Variants in MCTP1 observed in about 807,000 individuals in gnomAD.
MCTP1 encodes multiple C2 and transmembrane domain containing 1, also known as multiple C2 and transmembrane domain-containing protein 1.
Under a neutral mutation model 120.6 loss-of-function variants are expected in MCTP1, and 69 were observed. The observed-to-expected ratio is 0.57, with a 90% CI of 0.47 to 0.70. The LOEUF (loss-of-function observed/expected upper bound fraction) is 0.70, where lower values mean the gene tolerates loss of function less well. Ranked by LOEUF, MCTP1 falls within the 30% of genes least tolerant of loss-of-function variation. MCTP1 has a pLI of 0.00. For missense variants in MCTP1, 1,203 were observed against 1,248.8 expected (o/e 0.96, Z 0.55); for synonymous variants, 529 against 493.1 (o/e 1.07, Z -0.96).
intron 18 of MCTP1, among the ~76,000 whole-genome samples, chr5:94,791,038 C>T (rs1481897883): frequency 6.8e-6 from 1 of 146,026 alleles, no homozygotes; most frequent in Non-Finnish European, 1.5e-5. Context: ...TTTGGGAGGC[C>T]GAGGCAGGCA....
chr5:95,118,366 C>T (rs1757974047), intron 1 of MCTP1, among the ~76,000 whole-genome samples: 1 of 150,916 alleles, frequency 6.6e-6, no homozygotes, highest in South Asian at 2.1e-4. Context: ...ATGGTAACCT[C>T]AAATCAAAAA....
chr5:95,228,654 T>C (rs1419963987), intron 1 of MCTP1, among the ~76,000 whole-genome samples: 1 of 152,216 alleles, frequency 6.6e-6, no homozygotes, highest in Non-Finnish European at 1.5e-5. Context: ...ATCCCCAATG[T>C]TGGAGGTAGG....
chr5:94,859,624 C>G (rs1273061366), intron 17 of MCTP1, among the ~76,000 whole-genome samples: 2 of 151,572 alleles, frequency 1.3e-5, no homozygotes, highest in Non-Finnish European at 3.0e-5. Flanking sequence ...AGAATTTAAA[C>G]AAAACCAGAT....
intron 2 of MCTP1, among the ~76,000 whole-genome samples, chr5:94,965,965 G>A (rs1375520217): frequency 6.6e-6 from 1 of 152,076 alleles, no homozygotes; most frequent in Non-Finnish European, 1.5e-5. Context: ...GCCGGTGCTT[G>A]GACTTCCAGC....
chr5:95,138,062 T>G (rs1303763787), intron 1 of MCTP1, among the ~76,000 whole-genome samples: 5 of 152,216 alleles, frequency 3.3e-5, no homozygotes. Context: ...CAAATTTTTT[T>G]TTCAATAGGA....
At chr5:94,885,016 C>T (rs1159950680) in intron 12 of MCTP1, among the ~76,000 whole-genome samples, 1 of 152,130 alleles carries the variant, frequency 6.6e-6, no homozygotes, top group Non-Finnish European at 1.5e-5. Context: ...AAAAGATACA[C>T]TTATTTAATG....
intron 1 of MCTP1, among the ~76,000 whole-genome samples, chr5:95,124,571 T>C (rs1186240223): frequency 2.0e-5 from 3 of 152,236 alleles, no homozygotes; most frequent in African/African-American, 7.2e-5. Context: ...TGTTATCTCA[T>C]TAAAATGACC....
chr5:95,086,729 C>T (rs2347480), intron 1 of MCTP1, among the ~76,000 whole-genome samples: 77,055 of 151,938 alleles, frequency 0.51, 21,142 homozygotes, highest in Admixed American at 0.63. Context: ...AAGACAAGTT[C>T]ATTTTTTACA....
At chr5:94,973,772 G>T (rs464308) in intron 2 of MCTP1, among the ~76,000 whole-genome samples, 6,875 of 152,052 alleles carry the variant, frequency 0.045, 195 homozygotes, top group East Asian at 0.088. Context: ...TATTTCTGAG[G>T]GGGATGAAAA....
chr5:94,898,800 T>C (rs953400223), intron 10 of MCTP1, among the ~76,000 whole-genome samples: 1 of 152,238 alleles, frequency 6.6e-6, no homozygotes, highest in Non-Finnish European at 1.5e-5. Flanking sequence ...CCCTTGGTTC[T>C]AGACCTCAGT....
intron 18 of MCTP1, among the ~76,000 whole-genome samples, chr5:94,794,834 T>C (rs1779678539): frequency 6.6e-6 from 1 of 152,204 alleles, no homozygotes; most frequent in Admixed American, 6.5e-5. Context: ...GGAAAATTAA[T>C]ACTTTCTATT....
Position 94,773,942 on chromosome 5 carries a change from C to T in MCTP1, c.2610+5168G>A, listed in dbSNP as rs1190041924. Among the ~76,000 whole-genome samples the T allele has an allele frequency of 1.3e-4, 5 of 39,266 alleles. 2 individuals carry two copies. Among genetic ancestry groups the T allele is most frequent in the African/African-American group, 6.9e-4 (5 of 7,296 alleles). 25.8% of individuals were successfully genotyped at this position (39,266 alleles called of 152,430 possible). A position where few individuals can be genotyped will look rare whatever the true frequency, so the allele number is the denominator to read the frequency against. Reference sequence around the variant, plus strand: ...AGATGAAATAGGCCGGGCGCGGTGGCTCACGCCTGTAATCCCAGCACTTTG... The same window carrying T: ...AGATGAAATAGGCCGGGCGCGGTGGTTCACGCCTGTAATCCCAGCACTTTG... On this transcript the variant is annotated intron_variant, in intron 19 of 22. Transcript: ENST00000515393.
chr5:94,814,174 C>T (rs1364839866), intron 17 of MCTP1, among the ~76,000 whole-genome samples: 1 of 152,062 alleles, frequency 6.6e-6, no homozygotes, highest in Non-Finnish European at 1.5e-5. Context: ...TTCAGTAAAA[C>T]AAAATTTCAC....
At chr5:95,160,596 T>A (rs1414037860) in intron 1 of MCTP1, among the ~76,000 whole-genome samples, 1 of 152,032 alleles carries the variant, frequency 6.6e-6, no homozygotes, top group East Asian at 1.9e-4. Flanking sequence ...AAAGCAAAAA[T>A]AAACAAATGG....
rs146434254 is a variant in MCTP1, at chr5:94,752,108, AATATATATATATATATATATATAT to A, written c.2610+26978_2610+27001del. ...ATGTACCCTAAAACTTAAATAATAA[AATATATATATATATATATATATAT>A]ATATATATATATATTCAAAATAGCT... On this transcript the variant is annotated intron_variant, in intron 19 of 22. Transcript: ENST00000515393. 7.1e-3 allele frequency among the ~76,000 whole-genome samples: 540 copies of A among 75,800 alleles called. 18 individuals are homozygous for A. Among genetic ancestry groups the A allele is most frequent in the African/African-American group, 0.018 (476 of 26,298 alleles). 49.7% of individuals were successfully genotyped at this position (75,800 alleles called of 152,430 possible). A position where few individuals can be genotyped will look rare whatever the true frequency, so the allele number is the denominator to read the frequency against.
At chr5:95,259,961 G>A (rs538220932) in intron 1 of MCTP1, among the ~76,000 whole-genome samples, 1 of 152,276 alleles carries the variant, frequency 6.6e-6, no homozygotes, top group South Asian at 2.1e-4. Context: ...AGCCCAAGGA[G>A]GGGTTTGTGC....
chr5:94,786,988 T>C (rs1408833917), intron 18 of MCTP1, among the ~76,000 whole-genome samples: 5 of 152,214 alleles, frequency 3.3e-5, no homozygotes, highest in African/African-American at 1.2e-4. Flanking sequence ...TTCTGATTTA[T>C]TAGAATTAGT....
chr5:95,001,758 G>T (rs1833745265), intron 2 of MCTP1, among the ~76,000 whole-genome samples: 1 of 152,176 alleles, frequency 6.6e-6, no homozygotes, highest in African/African-American at 2.4e-5. Flanking sequence ...TTTGCAGCCT[G>T]ATGATGCCAT....
At chr5:95,069,953 T>C (rs531801371) in intron 1 of MCTP1, among the ~76,000 whole-genome samples, 1 of 152,242 alleles carries the variant, frequency 6.6e-6, no homozygotes, top group Non-Finnish European at 1.5e-5. Flanking sequence ...TCCACCCACC[T>C]CAGCCTCCCA....
Sources: allele counts gnomAD v4.1 joint callset (sites outside exome capture counted in the v4.1 genomes callset), GRCh38; gene constraint gnomAD v4.1.1; transcripts MANE v1.5; gene names NCBI Gene and HGNC (gene_info 2026-07-23, HGNC 2026-07-21).